SDCBP2: variants seen among roughly 807,000 people sequenced by gnomAD.
The protein encoded by SDCBP2 is syntenin-2.
In SDCBP2, 28 loss-of-function variants were observed where a neutral mutation model predicts 30.7. The ratio of observed to expected loss-of-function variants is 0.91; its 90% CI spans 0.68 to 1.25. The LOEUF (loss-of-function observed/expected upper bound fraction) is 1.25, where lower values mean the gene tolerates loss of function less well. Ranked by LOEUF, SDCBP2 falls within the 50% of genes most tolerant of loss-of-function variation. The probability of loss-of-function intolerance (pLI) is 0.00; values close to 1 mark genes in which losing one functional copy is unlikely to be tolerated. For missense variants in SDCBP2, 399 were observed against 379.0 expected, an observed-to-expected ratio of 1.05 and a Z score of -0.44; for synonymous variants, 166 against 157.3, an observed-to-expected ratio of 1.06 and a Z score of -0.41.
At chr20:1,317,464 A>G (rs1385857342) in intron 4 of SDCBP2, 2 of 152,260 alleles carry the variant, frequency 1.3e-5, no homozygotes, top group Non-Finnish European at 2.9e-5. Context: ...TCTTAATTAT[A>G]GGAACAAAGA....
chr20:1,317,768 CCTGG>C, intron 4 of SDCBP2: 1 of 236,722 alleles, frequency 4.2e-6, no homozygotes. Context: ...TCAGGACGAG[CCTGG>C]CAGGAAGACT....
intron 5 of SDCBP2, 80 bp from the exon 6 acceptor site, chr20:1,312,842 C>T (rs772299161): frequency 7.0e-6 from 10 of 1,438,742 alleles, no homozygotes; most frequent in Non-Finnish European, 9.3e-6. Flanking sequence ...TTGTTTTCCT[C>T]CTGATACTCC....
At chr20:1,322,663 C>T (rs2088864212) in intron 1 of SDCBP2, 1 of 152,228 alleles carries the variant, frequency 6.6e-6, no homozygotes, top group Non-Finnish European at 1.5e-5. Flanking sequence ...TCTCCAACTC[C>T]TGGGCTGAAG....
chr20:1,315,868 C>G (rs2088769117), intron 4 of SDCBP2, among the ~76,000 whole-genome samples: 1 of 152,138 alleles, frequency 6.6e-6, no homozygotes, highest in Non-Finnish European at 1.5e-5. Flanking sequence ...CAAAGAACTC[C>G]CAAAACACTA....
At chr20:1,318,455 G>A in intron 3 of SDCBP2, 37 bp from the exon 4 acceptor site, 1 of 1,353,514 alleles carries the variant, frequency 7.4e-7, no homozygotes, top group South Asian at 1.3e-5. Flanking sequence ...TGTGTCATTA[G>A]AGGACATGTG....
intron 4 of SDCBP2, chr20:1,317,694 AT>A (rs1262421316): frequency 5.0e-6 from 1 of 198,650 alleles, no homozygotes; most frequent in Non-Finnish European, 1.1e-5. Flanking sequence ...CATCATATCC[AT>A]GAACTTCATG....
Position 1,313,733 on chromosome 20 carries a change from G to GA in SDCBP2, c.226-236dup. On this transcript the variant is annotated intron_variant, in intron 4 of 8. Transcript: ENST00000360779. The surrounding 1 kb of genome is among the most constrained non-coding windows in gnomAD (Gnocchi z 5.2). ...CCAGGAAAACGGGGAGGGAAGGGGC[G>GA]AGGATACAGGAAGAGGCCCTTCATT... 8.7e-7 allele frequency: 1 copy of GA among 1,148,726 alleles called. No individual in the cohort carries two copies. Among genetic ancestry groups the GA allele is most frequent in the Non-Finnish European group, 1.1e-6 (1 of 881,262 alleles). The allele number at this position is 1,148,726 out of a possible 1,614,324, so 71.2% of individuals were successfully genotyped here.
At chr20:1,319,860 G>C (rs1357564714) in intron 2 of SDCBP2, among the ~76,000 whole-genome samples, 1 of 152,184 alleles carries the variant, frequency 6.6e-6, no homozygotes, top group African/African-American at 2.4e-5. Flanking sequence ...GGAAGTTCTG[G>C]GGGACTGTGA....
intron 3 of SDCBP2, 83 bp from the exon 4 acceptor site, chr20:1,318,501 C>T: frequency 1.3e-6 from 1 of 793,274 alleles, no homozygotes; most frequent in Non-Finnish European, 2.1e-6. Flanking sequence ...TGTGGCTGCT[C>T]ATTTTTATTA....
In SDCBP2 at chr20:1,313,084, C is replaced by T. The variant is rs2122506536; in HGVS notation, c.384+256G>A. 1 of 591,930 alleles carries T rather than the reference C, an allele frequency of 1.7e-6. No homozygotes were observed. The highest frequency in any genetic ancestry group is 3.0e-6 in the Non-Finnish European group (1 of 334,460). 36.7% of individuals were successfully genotyped at this position (591,930 alleles called of 1,614,324 possible). A position where few individuals can be genotyped will look rare whatever the true frequency, so the allele number is the denominator to read the frequency against. On this transcript the variant is annotated intron_variant, in intron 5 of 8. Coordinates refer to ENST00000360779, the MANE Select transcript of SDCBP2 (RefSeq NM_080489.5). This position sits in a 1 kb window ranked among gnomAD's most constrained non-coding sequence, Gnocchi z 5.2. Reference sequence around the variant, plus strand: ...CCTGGAAGCTAGATGCCCTGGGCAGCGAAGGGCAGGTGGGGAAGGGAGGCT... The same window carrying T: ...CCTGGAAGCTAGATGCCCTGGGCAGTGAAGGGCAGGTGGGGAAGGGAGGCT...
In SDCBP2 at chr20:1,314,589, CAA is replaced by C. The variant is rs11473327; in HGVS notation, c.226-1093_226-1092del. Among the ~76,000 whole-genome samples, 852 of 99,312 alleles carry C rather than the reference CAA, an allele frequency of 8.6e-3. 16 individuals carry two copies. The highest frequency in any genetic ancestry group is 0.033 in the East Asian group (119 of 3,608). 65.2% of individuals were successfully genotyped at this position (99,312 alleles called of 152,430 possible). On this transcript the variant is annotated intron_variant, in intron 4 of 8. Coordinates refer to ENST00000360779, the MANE Select transcript of SDCBP2 (RefSeq NM_080489.5). ...CAATACAATACCACTTACAATCACT[CAA>C]AAAAAAAAAAAAAAAAAGAGGCCGA... is the stretch of plus-strand genomic sequence containing the variant.
At chr20:1,311,342 C>T (rs1286331141) in intron 7 of SDCBP2, among the ~76,000 whole-genome samples, 10 of 152,134 alleles carry the variant, frequency 6.6e-5, no homozygotes, top group African/African-American at 2.4e-4. Context: ...CTCCTGCTGC[C>T]TCCAGGGCCA....
intron 4 of SDCBP2, chr20:1,317,583 A>C (rs1018577): frequency 0.47 from 73,432 of 155,528 alleles, 18,278 homozygotes; most frequent in African/African-American, 0.6. Flanking sequence ...GGGTGCCATC[A>C]GTTCTTCTCA....
At chr20:1,312,890 G>GCACCCTGTTGTTTTCCTCCTGATACTC in intron 5 of SDCBP2, 128 bp from the exon 6 acceptor site, 1 of 1,054,968 alleles carries the variant, frequency 9.5e-7, no homozygotes, top group Non-Finnish European at 1.3e-6. Flanking sequence ...GCTCTGCATG[G>GCACCCTGTTGTTTTCCTCCTGATACTC]CAGGCACCAA....
At chr20:1,327,385 G>A (rs373009380) in intron 1 of SDCBP2, among the ~76,000 whole-genome samples, 59 of 152,330 alleles carry the variant, frequency 3.9e-4, no homozygotes, top group African/African-American at 1.3e-3. Flanking sequence ...CAGCTCATCC[G>A]TCCTTTACAA....
intron 5 of SDCBP2, 100 bp from the exon 6 acceptor site, chr20:1,312,862 C>T: frequency 4.6e-6 from 6 of 1,292,370 alleles, no homozygotes; most frequent in Non-Finnish European, 6.3e-6. Flanking sequence ...CAGGAACCTA[C>T]AGGGTGCCAG....
In SDCBP2 at chr20:1,320,223, G is replaced by A; in HGVS notation, c.54+140C>T. 2 of 720,136 alleles carry A rather than the reference G, an allele frequency of 2.8e-6. No individual in the cohort carries two copies. The highest frequency in any genetic ancestry group is 4.7e-6 in the Non-Finnish European group (2 of 421,390). 44.6% of individuals were successfully genotyped at this position (720,136 alleles called of 1,614,324 possible). On this transcript the variant is annotated intron_variant, in intron 2 of 8. Coordinates refer to ENST00000360779, the MANE Select transcript of SDCBP2 (RefSeq NM_080489.5). The surrounding 1 kb of genome is among the most constrained non-coding windows in gnomAD (Gnocchi z 4.7). Reference sequence around the variant, plus strand: ...GCATTGCCCCCTGGATGTCTTCTCTGCCCAGCAGGCCCTGCAGTGGACACC... The same window carrying A: ...GCATTGCCCCCTGGATGTCTTCTCTACCCAGCAGGCCCTGCAGTGGACACC...
rs546411758 is a variant in SDCBP2, at chr20:1,311,614, G to A, written c.732+723C>T. The stretch of plus-strand genomic sequence containing the variant: ...TTCGAAAATAAATGTGAGAAGATGT[G>A]CTAGACAGGACTAGTGATGGCCACA... On this transcript the variant is annotated intron_variant, in intron 7 of 8. Transcript: ENST00000360779. 1.6e-3 allele frequency among the ~76,000 whole-genome samples: 239 copies of A among 152,332 alleles called. 1 individual carries two copies. The highest frequency in any genetic ancestry group is 5.1e-3 in the African/African-American group (213 of 41,568).
chr20:1,326,045 C>G (rs1384009373), intron 1 of SDCBP2, among the ~76,000 whole-genome samples: 1 of 152,106 alleles, frequency 6.6e-6, no homozygotes, highest in Non-Finnish European at 1.5e-5. Context: ...TTGGATGTGG[C>G]GTATAGGAGG....
Sources: gnomAD v4.1 joint callset for allele counts (sites outside exome capture counted in the v4.1 genomes callset) on GRCh38, gnomAD v4.1.1 for gene constraint, Gnocchi (gnomAD v3.1) non-coding constraint, MANE v1.5 for transcripts, NCBI Gene and HGNC (gene_info 2026-07-23, HGNC 2026-07-21) for gene names.